Variants in UBE3A observed in about 807,000 individuals in gnomAD.
UBE3A encodes the protein ubiquitin-protein ligase E3A.
In UBE3A, 6 loss-of-function variants were observed where a neutral mutation model predicts 83.4. That is an observed-to-expected ratio of 0.07 (90% confidence interval 0.04 to 0.14). The LOEUF (loss-of-function observed/expected upper bound fraction) is 0.14, where lower values mean the gene tolerates loss of function less well. Ranked by LOEUF, UBE3A falls within the 10% of genes least tolerant of loss-of-function variation. The pLI, the probability that UBE3A is intolerant of heterozygous loss-of-function variation, is 1.00. For synonymous variants in UBE3A, 337 were observed against 355.4 expected, an observed-to-expected ratio of 0.95 and a Z score of 0.58; for missense variants, 456 against 1,036.1, an observed-to-expected ratio of 0.44 and a Z score of 7.69.
intron 1 of UBE3A, among the ~76,000 whole-genome samples, chr15:25,432,368 T>A (rs952365420): frequency 6.6e-6 from 1 of 152,222 alleles, no homozygotes; most frequent in Admixed American, 6.5e-5. Context: ...ATTCTAAGAC[T>A]ACTTATTAAC....
At chr15:25,411,172 T>G (rs1339625220) in intron 2 of UBE3A, among the ~76,000 whole-genome samples, 2 of 152,218 alleles carry the variant, frequency 1.3e-5, no homozygotes, top group African/African-American at 4.8e-5. Context: ...TTGGGCAAGT[T>G]ACTTAACCTC....
intron 4 of UBE3A, among the ~76,000 whole-genome samples, chr15:25,380,205 C>T (rs978732484): frequency 6.6e-6 from 1 of 152,132 alleles, no homozygotes; most frequent in Non-Finnish European, 1.5e-5. Flanking sequence ...CTGAAGCCTT[C>T]CCAGCCATGT....
chr15:25,403,391 A>C (rs2087654464), intron 4 of UBE3A, among the ~76,000 whole-genome samples: 3 of 152,198 alleles, frequency 2.0e-5, no homozygotes, highest in African/African-American at 4.8e-5. Flanking sequence ...ACTAACCTAC[A>C]GTAACATACT....
Position 25,364,668 on chromosome 15 carries a change from G to A in UBE3A, c.1609-4141C>T, listed in dbSNP as rs576904840. Reference sequence around the variant, plus strand: ...TTGTTTTTTTTTTTTTTTTGAGACGGAGTCTCGCTCTGTCGCCCAGGCTGG... The same window carrying A: ...TTGTTTTTTTTTTTTTTTTGAGACGAAGTCTCGCTCTGTCGCCCAGGCTGG... On this transcript the variant is annotated intron_variant, in intron 6 of 12. Transcript: ENST00000648336. Among the ~76,000 whole-genome samples, 7 of 144,354 alleles carry A rather than the reference G, an allele frequency of 4.8e-5. 1 individual carries two copies. In the South Asian group the frequency reaches 1.5e-3, roughly 30 times the overall value. 94.7% of individuals were successfully genotyped at this position (144,354 alleles called of 152,430 possible).
intron 1 of UBE3A, among the ~76,000 whole-genome samples, chr15:25,424,680 A>G (rs1567171428): frequency 6.6e-6 from 1 of 152,214 alleles, no homozygotes; most frequent in Non-Finnish European, 1.5e-5. Context: ...GGAAAAAAAA[A>G]TTATATGAAA....
chr15:25,430,148 AAT>A (rs1300232903), intron 1 of UBE3A, among the ~76,000 whole-genome samples: 2 of 48,856 alleles, frequency 4.1e-5, no homozygotes, highest in Non-Finnish European at 6.5e-5. Flanking sequence ...TTATATATAT[AAT>A]ACATATATAT....
intron 1 of UBE3A, among the ~76,000 whole-genome samples, chr15:25,430,096 T>C (rs1475655675): frequency 1.0e-5 from 1 of 97,934 alleles, no homozygotes; most frequent in Non-Finnish European, 1.8e-5. Flanking sequence ...AGATTATATA[T>C]ATATTATATA....
rs1369740721 is a variant in UBE3A at position 25,339,698 on chromosome 15, G to C, written c.2498+387C>G. 9.4e-6 allele frequency: 3 copies of C among 320,170 alleles called. No homozygotes were observed. In the East Asian group the frequency reaches 2.5e-4, roughly 26 times the overall value. The allele number at this position is 320,170 out of a possible 1,614,324, so 19.8% of individuals were successfully genotyped here. ...CTCTTAAATGCTTATTAGAAACACTGCTGGCAATATGACTAAGAAAATGAT... is the reference window on the plus strand; with the variant it reads ...CTCTTAAATGCTTATTAGAAACACTCCTGGCAATATGACTAAGAAAATGAT... On this transcript the variant is annotated intron_variant, in intron 12 of 12. Coordinates refer to ENST00000648336, the MANE Select transcript of UBE3A (RefSeq NM_130839.5).
chr15:25,343,389 A>AAAT, intron 11 of UBE3A, among the ~76,000 whole-genome samples: 1 of 152,316 alleles, frequency 6.6e-6, no homozygotes, highest in East Asian at 1.9e-4. Context: ...CAGTGATGAG[A>AAAT]AATACAAATT....
chr15:25,377,302 G>C (rs1319541293), intron 4 of UBE3A, among the ~76,000 whole-genome samples: 1 of 151,950 alleles, frequency 6.6e-6, no homozygotes, highest in Admixed American at 6.6e-5. Flanking sequence ...ATTCATTCTG[G>C]TGCTTATTTT....
chr15:25,427,715 CA>C (rs1312871757), intron 1 of UBE3A, among the ~76,000 whole-genome samples: 3 of 144,396 alleles, frequency 2.1e-5, no homozygotes, highest in Non-Finnish European at 4.5e-5. Context: ...CGCTTGAGGC[CA>C]GGGGGTTCAA....
At chr15:25,426,262 C>T (rs1189275758) in intron 1 of UBE3A, among the ~76,000 whole-genome samples, 1 of 152,188 alleles carries the variant, frequency 6.6e-6, no homozygotes, top group African/African-American at 2.4e-5. Context: ...AATTTCCTGG[C>T]TTTTAATCAT....
intron 4 of UBE3A, among the ~76,000 whole-genome samples, chr15:25,382,950 CA>C (rs2082448426): frequency 6.6e-6 from 1 of 151,870 alleles, no homozygotes; most frequent in Non-Finnish European, 1.5e-5. Flanking sequence ...AGTAACTGTC[CA>C]ACAACGCCAG....
In UBE3A at chr15:25,401,004, A is replaced by G. The variant is rs1002870218; in HGVS notation, c.62+4457T>C. 2.0e-5 allele frequency among the ~76,000 whole-genome samples: 3 copies of G among 152,304 alleles called. No individual in the cohort carries two copies. In the East Asian group the frequency reaches 5.8e-4, roughly 29 times the overall value. Reference sequence around the variant, plus strand: ...ACTTAATTTTTTAAAATTTTGTAGCACAAGAGAATACTGAATTCTGTCAAA... The same window carrying G: ...ACTTAATTTTTTAAAATTTTGTAGCGCAAGAGAATACTGAATTCTGTCAAA... On this transcript the variant is annotated intron_variant, in intron 4 of 12. Transcript: ENST00000648336.
At chr15:25,433,981 G>A (rs899488822) in intron 1 of UBE3A, among the ~76,000 whole-genome samples, 1 of 152,076 alleles carries the variant, frequency 6.6e-6, no homozygotes, top group African/African-American at 2.4e-5. Flanking sequence ...GAGATGGGAG[G>A]ATCACTCCAG....
chr15:25,417,532 A>G (rs1414215479), intron 1 of UBE3A, among the ~76,000 whole-genome samples: 1 of 152,134 alleles, frequency 6.6e-6, no homozygotes, highest in Non-Finnish European at 1.5e-5. Context: ...AAAATTCAAG[A>G]AATCAATAAG....
intron 6 of UBE3A, among the ~76,000 whole-genome samples, chr15:25,363,666 A>AT (rs1204951303): frequency 1.1e-4 from 16 of 150,090 alleles, no homozygotes; most frequent in South Asian, 1.1e-3. Flanking sequence ...ACGACCAAAA[A>AT]TTTTTTTTTT....
chr15:25,368,129 A>T (rs1205884469), intron 6 of UBE3A, among the ~76,000 whole-genome samples: 1 of 152,172 alleles, frequency 6.6e-6, no homozygotes, highest in Non-Finnish European at 1.5e-5. Flanking sequence ...ATATATAAGA[A>T]TGAGGCTTAA....
intron 6 of UBE3A, among the ~76,000 whole-genome samples, chr15:25,363,060 G>C (rs1398137124): frequency 6.6e-6 from 1 of 152,042 alleles, no homozygotes; most frequent in Non-Finnish European, 1.5e-5. Context: ...TCTAGTCTTA[G>C]CTCTACCTAA....
Sources: allele counts gnomAD v4.1 joint callset (sites outside exome capture counted in the v4.1 genomes callset), GRCh38; gene constraint gnomAD v4.1.1; transcripts MANE v1.5; gene names NCBI Gene and HGNC (gene_info 2026-07-23, HGNC 2026-07-21).